NT5DC1: variants seen among roughly 807,000 people sequenced by gnomAD.
NT5DC1 encodes the protein 5'-nucleotidase domain-containing protein 1.
A neutral mutation model predicts 59.4 loss-of-function variants in NT5DC1; 42 were observed. The ratio of observed to expected loss-of-function variants is 0.71; its 90% CI spans 0.55 to 0.92. The LOEUF (loss-of-function observed/expected upper bound fraction) is 0.92. Among genes scored for constraint, NT5DC1 ranks in the 40% least tolerant of loss-of-function variants. The pLI is 0.00. For synonymous variants in NT5DC1, 172 were observed against 188.1 expected (o/e 0.91, Z 0.70); for missense variants, 501 against 537.1 (o/e 0.93, Z 0.66).
intron 6 of NT5DC1, among the ~76,000 whole-genome samples, chr6:116,143,427 T>C (rs1328377299): frequency 6.6e-6 from 1 of 152,152 alleles, no homozygotes; most frequent in Admixed American, 6.5e-5. Context: ...TTGGCCAGGA[T>C]GGTCTTGATC....
chr6:116,203,494 T>A (rs1162416242), intron 6 of NT5DC1, among the ~76,000 whole-genome samples: 1 of 151,928 alleles, frequency 6.6e-6, no homozygotes, highest in African/African-American at 2.4e-5. Context: ...ATCTAGTGGC[T>A]CTTCCTCAAC....
Position 116,233,550 on chromosome 6 carries a change from G to A in NT5DC1, c.803-3416G>A, listed in dbSNP as rs117279510. 2.2e-3 allele frequency among the ~76,000 whole-genome samples: 334 copies of A among 152,294 alleles called. 9 individuals carry two copies. The East Asian group carries it at 0.027, about 12-fold the overall frequency. On this transcript the variant is annotated intron_variant, in intron 8 of 11. Coordinates refer to ENST00000319550, the MANE Select transcript of NT5DC1 (RefSeq NM_152729.3). ...TTTCCTGTTTGTGGCAATACCATGGGACACATTCAGGTCCAGGAATCCAAA... is the reference window on the plus strand; with the variant it reads ...TTTCCTGTTTGTGGCAATACCATGGAACACATTCAGGTCCAGGAATCCAAA...
At chr6:116,168,735 G>T (rs1251098588) in intron 6 of NT5DC1, among the ~76,000 whole-genome samples, 2 of 151,886 alleles carry the variant, frequency 1.3e-5, no homozygotes, top group African/African-American at 4.8e-5. Flanking sequence ...TTGAGGTCTG[G>T]ATTACTTTCT....
intron 6 of NT5DC1, among the ~76,000 whole-genome samples, chr6:116,181,431 A>G (rs988982929): frequency 2.0e-5 from 3 of 152,120 alleles, no homozygotes; most frequent in African/African-American, 7.2e-5. Context: ...GTGGATGCAG[A>G]AAAACCCAAT....
chr6:116,182,549 T>G lies in NT5DC1; in HGVS notation c.530-38505T>G, dbSNP rs1458337071. On this transcript the variant is annotated intron_variant, in intron 6 of 11. Coordinates refer to ENST00000319550, the MANE Select transcript of NT5DC1 (RefSeq NM_152729.3). ...TTCACCACATCCACGCCAACACCTATTTTTTTTTATTTTTTGATTATGGCC... is the reference window on the plus strand; with the variant it reads ...TTCACCACATCCACGCCAACACCTAGTTTTTTTTATTTTTTGATTATGGCC... 4.0e-5 allele frequency among the ~76,000 whole-genome samples: 6 copies of G among 151,532 alleles called. No individual in the cohort carries two copies. The South Asian group carries it at 8.4e-4, about 21-fold the overall frequency.
chr6:116,196,706 CTT>C (rs1781234750), intron 6 of NT5DC1, among the ~76,000 whole-genome samples: 1 of 151,914 alleles, frequency 6.6e-6, no homozygotes, highest in African/African-American at 2.4e-5. Context: ...GCATTGCTGA[CTT>C]TTTCTGGGTT....
intron 1 of NT5DC1, among the ~76,000 whole-genome samples, chr6:116,104,397 T>TA (rs1004481179): frequency 1.1e-4 from 16 of 152,182 alleles, no homozygotes; most frequent in African/African-American, 3.9e-4. Flanking sequence ...GCCCATATCT[T>TA]AGACTAATCA....
Position 116,248,579 on chromosome 6 carries a change from AG to A in NT5DC1, c.*4556del, listed in dbSNP as rs967102500. 3 of 152,226 alleles carry A rather than the reference AG, an allele frequency of 2.0e-5. No individual in the cohort carries two copies. Among genetic ancestry groups the A allele is most frequent in the African/African-American group, 7.2e-5 (3 of 41,450 alleles). The allele number at this position is 152,226 out of a possible 1,614,324, so 9.4% of individuals were successfully genotyped here. On this transcript the variant is annotated 3_prime_UTR_variant, in exon 12 of 12. Coordinates refer to ENST00000319550, the MANE Select transcript of NT5DC1 (RefSeq NM_152729.3). ...GAGAAGGTCAGAGAAGCCTTTTATAAGTGTCTGGCTTGCACTGAATGCCCAG... is the reference window on the plus strand; with the variant it reads ...GAGAAGGTCAGAGAAGCCTTTTATAATGTCTGGCTTGCACTGAATGCCCAG...
At chr6:116,221,997 A>G (rs1489376944) in intron 7 of NT5DC1, among the ~76,000 whole-genome samples, 2 of 152,206 alleles carry the variant, frequency 1.3e-5, no homozygotes, top group South Asian at 2.1e-4. Context: ...CTCAAATTCC[A>G]TCAAATACCG....
At chr6:116,202,717 A>G (rs930220812) in intron 6 of NT5DC1, among the ~76,000 whole-genome samples, 2 of 152,036 alleles carry the variant, frequency 1.3e-5, no homozygotes, top group Admixed American at 6.6e-5. Flanking sequence ...ACTGCAGTGT[A>G]CAGTTTCATA....
At chr6:116,101,533 T>C (rs1470933117) in intron 1 of NT5DC1, among the ~76,000 whole-genome samples, 15 of 152,160 alleles carry the variant, frequency 9.9e-5, no homozygotes, top group Admixed American at 7.2e-4. Context: ...TAGTATATAG[T>C]GTAGTGTATT....
At chr6:116,239,937 G>A (rs1771649964) in intron 11 of NT5DC1, among the ~76,000 whole-genome samples, 2 of 151,882 alleles carry the variant, frequency 1.3e-5, no homozygotes, top group South Asian at 4.2e-4. Flanking sequence ...TATAAACTGT[G>A]GTATAAAAAG....
chr6:116,175,131 G>A (rs1025761663), intron 6 of NT5DC1, among the ~76,000 whole-genome samples: 1 of 151,994 alleles, frequency 6.6e-6, no homozygotes, highest in Non-Finnish European at 1.5e-5. Context: ...TGTATATTTT[G>A]TATAGAGTTT....
intron 6 of NT5DC1, among the ~76,000 whole-genome samples, chr6:116,148,832 C>T (rs1779962382): frequency 6.6e-6 from 1 of 151,872 alleles, no homozygotes. Flanking sequence ...TTCTATAAGT[C>T]AAAAGTAAAG....
chr6:116,243,816 A>T lies in NT5DC1; in HGVS notation c.1253-93A>T. The T allele has an allele frequency of 5.4e-6, 3 of 553,112 alleles. No homozygotes were observed. The South Asian group carries it at 8.5e-5, about 16-fold the overall frequency. The allele number at this position is 553,112 out of a possible 1,614,324, so 34.3% of individuals were successfully genotyped here. A position where few individuals can be genotyped will look rare whatever the true frequency, so the allele number is the denominator to read the frequency against. On this transcript the variant is annotated intron_variant, in intron 11 of 11. Transcript: ENST00000319550. Reference sequence around the variant, plus strand: ...GAAATATTAAAATTTTACGTCTAAAAAATAAGTTTTATTAGTGAATATCAA... The same window carrying T: ...GAAATATTAAAATTTTACGTCTAAATAATAAGTTTTATTAGTGAATATCAA...
At chr6:116,207,115 GT>G (rs1364439937) in intron 6 of NT5DC1, among the ~76,000 whole-genome samples, 1 of 151,816 alleles carries the variant, frequency 6.6e-6, no homozygotes, top group Non-Finnish European at 1.5e-5. Flanking sequence ...TTACAATATT[GT>G]TTTATTCAGA....
rs917763880 is a variant in NT5DC1 at position 116,249,450 on chromosome 6, C to T, written c.*5426C>T. The T allele has an allele frequency of 1.5e-4, 23 of 152,318 alleles. No individual in the cohort carries two copies. The highest frequency in any genetic ancestry group is 5.5e-4 in the African/African-American group (23 of 41,570). 9.4% of individuals were successfully genotyped at this position (152,318 alleles called of 1,614,324 possible). On this transcript the variant is annotated 3_prime_UTR_variant, in exon 12 of 12. Coordinates refer to ENST00000319550, the MANE Select transcript of NT5DC1 (RefSeq NM_152729.3). ...CCAATAAACTTTCATGTAATTGCTG[C>T]TATACAGCAAAACTATCATTACCGG...
At chr6:116,239,731 A>T (rs1236028960) in intron 11 of NT5DC1, among the ~76,000 whole-genome samples, 1 of 152,222 alleles carries the variant, frequency 6.6e-6, no homozygotes, top group Non-Finnish European at 1.5e-5. Flanking sequence ...ACAAATATAG[A>T]TTCTCTTTTG....
intron 6 of NT5DC1, among the ~76,000 whole-genome samples, chr6:116,183,318 G>C (rs1009394432): frequency 1.3e-5 from 2 of 152,010 alleles, no homozygotes; most frequent in Non-Finnish European, 2.9e-5. Flanking sequence ...GATGCCTCCA[G>C]ATTTGTTCTT....
Sources: gnomAD v4.1 joint callset for allele counts (sites outside exome capture counted in the v4.1 genomes callset) on GRCh38, gnomAD v4.1.1 for gene constraint, MANE v1.5 for transcripts, NCBI Gene and HGNC (gene_info 2026-07-23, HGNC 2026-07-21) for gene names.